Variants in RECQL5 observed in about 807,000 individuals in gnomAD.
RECQL5 encodes the protein RecQ like helicase 5, also known as ATP-dependent DNA helicase Q5.
A neutral mutation model predicts 103.4 loss-of-function variants in RECQL5; 88 were observed. The ratio of observed to expected loss-of-function variants is 0.85; its 90% CI spans 0.72 to 1.02. The LOEUF (loss-of-function observed/expected upper bound fraction) is 1.02. RECQL5 is among the 50% of genes least tolerant of loss of function. The pLI, the probability that RECQL5 is intolerant of heterozygous loss-of-function variation, is 0.00. For missense variants in RECQL5, 1,232 were observed against 1,284.3 expected, an observed-to-expected ratio of 0.96 and a Z score of 0.62; for synonymous variants, 552 against 507.9, an observed-to-expected ratio of 1.09 and a Z score of -1.17.
At position 75,640,680 on chromosome 17, in the gene RECQL5, C is replaced by T; in HGVS notation, c.1230-9012G>A. The T allele has an allele frequency of 6.7e-7, 1 of 1,484,406 alleles. No homozygotes were observed. Among genetic ancestry groups the T allele is most frequent in the Non-Finnish European group, 9.0e-7 (1 of 1,114,136 alleles). The allele number at this position is 1,484,406 out of a possible 1,614,324, so 92.0% of individuals were successfully genotyped here. The stretch of plus-strand genomic sequence containing the variant: ...CAGCCTCTCGGATCTTTCTGACCTC[C>T]ACCAAACCTGTGGGGGAAAGACCCT... On this transcript the variant is annotated intron_variant, in intron 8 of 19. Transcript: ENST00000317905. The surrounding 1 kb of genome is among the most constrained non-coding windows in gnomAD (Gnocchi z 4.6).
chr17:75,666,222 T>G (rs1167268986), intron 2 of RECQL5, among the ~76,000 whole-genome samples: 3 of 152,168 alleles, frequency 2.0e-5, no homozygotes, highest in Non-Finnish European at 4.4e-5. Flanking sequence ...GCCCAGGATT[T>G]GGAGACCAGC....
chr17:75,627,761 T>C lies in RECQL5; in HGVS notation c.2806-69A>G, dbSNP rs2059124928. On this transcript the variant is annotated intron_variant, in intron 18 of 19. Coordinates refer to ENST00000317905, the MANE Select transcript of RECQL5 (RefSeq NM_004259.7). Reference sequence around the variant, plus strand: ...GTGGCCGGGCGCAGTGGCTCACGCCTGTAATCCCAGCACTTTGGGAGGCCG... The same window carrying C: ...GTGGCCGGGCGCAGTGGCTCACGCCCGTAATCCCAGCACTTTGGGAGGCCG... The C allele has an allele frequency of 2.1e-6, 3 of 1,412,166 alleles. 1 individual carries two copies. The highest frequency in any genetic ancestry group is 4.1e-4 in the Middle Eastern group (2 of 4,826). The allele number at this position is 1,412,166 out of a possible 1,614,324, so 87.5% of individuals were successfully genotyped here. A position where few individuals can be genotyped will look rare whatever the true frequency, so the allele number is the denominator to read the frequency against.
chr17:75,634,071 C>T lies in RECQL5; in HGVS notation c.1230-2403G>A, dbSNP rs925635638. ...CAAAAAAGCCAGGCAGAGACAGCAG[C>T]TGGCTGTCAGCAGAGGAGCTGGGCT... On this transcript the variant is annotated intron_variant, in intron 8 of 19. Transcript: ENST00000317905. 11 of 985,524 alleles carry T rather than the reference C, an allele frequency of 1.1e-5. No individual in the cohort carries two copies. The Admixed American group carries it at 4.9e-4, about 44-fold the overall frequency. 61.0% of individuals were successfully genotyped at this position (985,524 alleles called of 1,614,324 possible). A position where few individuals can be genotyped will look rare whatever the true frequency, so the allele number is the denominator to read the frequency against.
chr17:75,628,997 T>G lies in RECQL5; in HGVS notation c.2426A>C (p.Asp809Ala), dbSNP rs756978892. Reference protein sequence around the residue: ...MAPEKYTGEEDGAGGHSPAPP... With the variant: ...MAPEKYTGEEAGAGGHSPAPP... The stretch of plus-strand genomic sequence containing the variant: ...GGCAGGCGAATGTCCCCCGGCTCCA[T>G]CTTCCTCCCCTGTGTACTTCTCTGG... Residue 809 changes from aspartate (D) to alanine (A), a missense_variant, in exon 16 of 20, where the codon GAT (aspartate) becomes GCT (alanine). Physicochemically the swap from Asp to Ala is moderately radical, Grantham distance 126. Coordinates refer to ENST00000317905, the MANE Select transcript of RECQL5 (RefSeq NM_004259.7). 2 of 1,563,136 alleles carry G rather than the reference T, an allele frequency of 1.3e-6. No homozygotes were observed. The highest frequency in any genetic ancestry group is 1.7e-6 in the Non-Finnish European group (2 of 1,157,710).
intron 16 of RECQL5, 55 bp downstream of exon 16, chr17:75,628,879 A>C: frequency 6.3e-7 from 1 of 1,584,810 alleles, no homozygotes; most frequent in Non-Finnish European, 8.5e-7. Context: ...CCAGTGAGCA[A>C]AGGGGATGCT....
At chr17:75,649,638 G>C in intron 8 of RECQL5, 2 of 985,456 alleles carry the variant, frequency 2.0e-6, no homozygotes, top group Non-Finnish European at 1.2e-6. Flanking sequence ...GGTGGAGAAG[G>C]GGCTTTTTCT....
intron 13 of RECQL5, 63 bp from the exon 14 acceptor site, chr17:75,630,340 C>T: frequency 7.1e-7 from 1 of 1,408,800 alleles, no homozygotes; most frequent in African/African-American, 1.4e-5. Context: ...CTGCTGAGCT[C>T]TTGCGGGACT....
At chr17:75,629,956 C>CT in intron 14 of RECQL5, 114 bp from the exon 15 acceptor site, 1 of 1,394,000 alleles carries the variant, frequency 7.2e-7, no homozygotes, top group Non-Finnish European at 9.5e-7. Flanking sequence ...CCAGTGGCCA[C>CT]AGGCAACTGA....
chr17:75,660,899 C>A, intron 6 of RECQL5, 56 bp downstream of exon 6: 2 of 1,309,174 alleles, frequency 1.5e-6, no homozygotes, highest in Non-Finnish European at 2.2e-6. Context: ...CAGCACTAGG[C>A]AATCCACCCT....
At chr17:75,647,106 C>G (rs1005588108) in intron 8 of RECQL5, among the ~76,000 whole-genome samples, 6 of 152,256 alleles carry the variant, frequency 3.9e-5, no homozygotes, top group African/African-American at 1.4e-4. Context: ...ACTGGAGAAT[C>G]CAGGGGCATC....
At chr17:75,664,458 ATACAGTTTC>A (rs1304508831) in intron 3 of RECQL5, among the ~76,000 whole-genome samples, 1 of 152,214 alleles carries the variant, frequency 6.6e-6, no homozygotes, top group Non-Finnish European at 1.5e-5. Flanking sequence ...GTGTGTACAA[ATACAGTTTC>A]ATACTCCTCT....
Position 75,662,639 on chromosome 17 carries a change from A to T in RECQL5, c.611T>A (p.Phe204Tyr). 1 of 1,614,162 alleles carries T rather than the reference A, an allele frequency of 6.2e-7. No homozygotes were observed. The highest frequency in any genetic ancestry group is 8.5e-7 in the Non-Finnish European group (1 of 1,180,028). ...TATPQVQEDVFAALHLKKPVA... is the reference protein window; with the variant it reads ...TATPQVQEDVYAALHLKKPVA... ...TGGTTTCTTCAGGTGCAGGGCAGCA[A>T]ACACGTCCTCTTGGACCTGTGGGGT... Residue 204 changes from phenylalanine (F) to tyrosine (Y), a missense_variant, in exon 4 of 20, where the codon TTT (phenylalanine) becomes TAT (tyrosine). Coordinates refer to ENST00000317905, the MANE Select transcript of RECQL5 (RefSeq NM_004259.7).
chr17:75,630,099 A>G, intron 14 of RECQL5, 85 bp downstream of exon 14: 1 of 1,239,720 alleles, frequency 8.1e-7, no homozygotes, highest in Non-Finnish European at 1.1e-6. Context: ...GGGCTGCCTG[A>G]GCCCAGAGAG....
intron 2 of RECQL5, among the ~76,000 whole-genome samples, chr17:75,665,409 G>A (rs2059756121): frequency 6.6e-6 from 1 of 152,106 alleles, no homozygotes; most frequent in African/African-American, 2.4e-5. Context: ...TAAAAAGTCT[G>A]GGTCAAGCGC....
At chr17:75,635,661 C>T in intron 8 of RECQL5, 1 of 445,918 alleles carries the variant, frequency 2.2e-6, no homozygotes, top group Non-Finnish European at 3.0e-6. Context: ...CCCTGCAAAT[C>T]TCCCACAAGT....
rs753549431 is a variant in RECQL5, at chr17:75,630,981, T to A, written c.1578A>T (p.Val526=). 1.4e-5 allele frequency: 22 copies of A among 1,613,434 alleles called. No individual in the cohort carries two copies. Among genetic ancestry groups the A allele is most frequent in the Non-Finnish European group, 1.9e-5 (22 of 1,179,844 alleles). The change falls in exon 11 of 20, where the codon GTA becomes GTT. Residue 526 remains valine (V), a synonymous_variant. Coordinates refer to ENST00000317905, the MANE Select transcript of RECQL5 (RefSeq NM_004259.7). ...KGKDPKIEEF[V]PPDENCPLKE... is the part of the protein sequence containing the mutation. ...GAACATTTCTGTACTGACCTGGGGG[T>A]ACAAATTCTTCTATCTTGGGGTCTT... is the stretch of plus-strand genomic sequence containing the variant.
chr17:75,627,315 GAGA>G lies in RECQL5; in HGVS notation c.*104_*106del, dbSNP rs2059113597. The G allele has an allele frequency of 4.6e-6, 4 of 873,268 alleles. No individual in the cohort carries two copies. In the African/African-American group the frequency reaches 4.9e-5, roughly 11 times the overall value. 54.1% of individuals were successfully genotyped at this position (873,268 alleles called of 1,614,324 possible). A position where few individuals can be genotyped will look rare whatever the true frequency, so the allele number is the denominator to read the frequency against. ...CCCAAAGCCAAGTATGGTTGGAAAGGAGAAGGACTGAGAAAAGACGATGGCCCT... is the reference window on the plus strand; with the variant it reads ...CCCAAAGCCAAGTATGGTTGGAAAGGAGGACTGAGAAAAGACGATGGCCCT... On this transcript the variant is annotated 3_prime_UTR_variant, in exon 20 of 20. Transcript: ENST00000317905.
chr17:75,643,345 G>C (rs915057437), intron 8 of RECQL5, among the ~76,000 whole-genome samples: 3 of 152,260 alleles, frequency 2.0e-5, no homozygotes, highest in African/African-American at 7.2e-5. Context: ...GGAGAGGTGG[G>C]AACCACAGAC....
At chr17:75,642,465 G>C (rs1233635819) in intron 8 of RECQL5, among the ~76,000 whole-genome samples, 1 of 152,218 alleles carries the variant, frequency 6.6e-6, no homozygotes, top group African/African-American at 2.4e-5. Context: ...AGGCAGGGAG[G>C]GGAAGCTCTC....
Sources: gnomAD v4.1 joint callset for allele counts (sites outside exome capture counted in the v4.1 genomes callset) on GRCh38, gnomAD v4.1.1 for gene constraint, Gnocchi (gnomAD v3.1) non-coding constraint, MANE v1.5 for transcripts, NCBI Gene and HGNC (gene_info 2026-07-23, HGNC 2026-07-21) for gene names.